NLGN1: variants seen among roughly 807,000 people sequenced by gnomAD.
NLGN1 encodes neuroligin 1.
NLGN1 carries 12 observed loss-of-function variants against 65.5 expected under a neutral mutation model. That is an observed-to-expected ratio of 0.18 (90% confidence interval 0.12 to 0.30). The LOEUF (loss-of-function observed/expected upper bound fraction) is 0.30. Among genes scored for constraint, NLGN1 ranks in the 10% least tolerant of loss-of-function variants. The pLI is 1.00. For missense variants in NLGN1, 750 were observed against 1,007.1 expected (o/e 0.74, Z 3.46); for synonymous variants, 350 against 359.5 (o/e 0.97, Z 0.30).
chr3:173,531,769 A>G (rs1417521343), intron 2 of NLGN1, among the ~76,000 whole-genome samples: 2 of 152,128 alleles, frequency 1.3e-5, no homozygotes, highest in Admixed American at 6.6e-5. Context: ...CTAAAGCTCT[A>G]CCTTACATTT....
chr3:174,259,708 G>C (rs1174700070), intron 4 of NLGN1, among the ~76,000 whole-genome samples: 2 of 150,028 alleles, frequency 1.3e-5, no homozygotes, highest in Admixed American at 6.7e-5. Context: ...TTATACTTTA[G>C]GTTTTAGGGT....
At chr3:174,066,209 A>G (rs894594363) in intron 4 of NLGN1, among the ~76,000 whole-genome samples, 6 of 152,102 alleles carry the variant, frequency 3.9e-5, no homozygotes, top group African/African-American at 9.7e-5. Context: ...TCACTAATAC[A>G]AATTTTCAGA....
intron 4 of NLGN1, among the ~76,000 whole-genome samples, chr3:174,246,679 A>G (rs1374977322): frequency 1.3e-5 from 2 of 152,208 alleles, no homozygotes; most frequent in Non-Finnish European, 2.9e-5. Flanking sequence ...TCAGCCTCCC[A>G]AAGCGTTGTG....
intron 4 of NLGN1, among the ~76,000 whole-genome samples, chr3:174,033,626 A>G (rs1730511643): frequency 6.6e-6 from 1 of 152,160 alleles, no homozygotes; most frequent in South Asian, 2.1e-4. Flanking sequence ...AAAAATAAAG[A>G]AGAAATACTA....
chr3:173,422,076 G>GAT (rs67338411), intron 1 of NLGN1, among the ~76,000 whole-genome samples: 5 of 151,562 alleles, frequency 3.3e-5, no homozygotes, highest in African/African-American at 7.3e-5. Flanking sequence ...CACTTATCAT[G>GAT]ATATATATAT....
intron 4 of NLGN1, among the ~76,000 whole-genome samples, chr3:174,003,769 C>T (rs1460925552): frequency 6.6e-6 from 1 of 152,014 alleles, no homozygotes; most frequent in African/African-American, 2.4e-5. Flanking sequence ...TAGATGCCTT[C>T]CCCTGGGTTA....
chr3:173,860,660 A>G (rs1728868961), intron 4 of NLGN1, among the ~76,000 whole-genome samples: 1 of 152,224 alleles, frequency 6.6e-6, no homozygotes. Flanking sequence ...TCATTAGGGA[A>G]TCCAGCAGGT....
intron 3 of NLGN1, among the ~76,000 whole-genome samples, chr3:173,773,457 T>C (rs938988964): frequency 3.9e-5 from 6 of 152,246 alleles, no homozygotes; most frequent in African/African-American, 1.4e-4. Flanking sequence ...GGTTTGTTCT[T>C]GGCTTTGAGA....
chr3:173,593,524 TAAGAG>T (rs1483031455), intron 2 of NLGN1, among the ~76,000 whole-genome samples: 2 of 152,196 alleles, frequency 1.3e-5, no homozygotes, highest in African/African-American at 2.4e-5. Flanking sequence ...TTTTGAGAGA[TAAGAG>T]AAGGGAGTAT....
intron 2 of NLGN1, among the ~76,000 whole-genome samples, chr3:173,547,088 T>C (rs1739992617): frequency 6.6e-6 from 1 of 152,180 alleles, no homozygotes; most frequent in African/African-American, 2.4e-5. Flanking sequence ...TTGGCATACT[T>C]GTTAATTAAA....
chr3:173,401,526 C>G (rs966258779), intron 1 of NLGN1, among the ~76,000 whole-genome samples: 17 of 151,396 alleles, frequency 1.1e-4, no homozygotes, highest in African/African-American at 4.1e-4. Context: ...CCAAACAAGG[C>G]TTCTCTGAGC....
intron 4 of NLGN1, among the ~76,000 whole-genome samples, chr3:174,006,047 G>A (rs553967627): frequency 2.9e-4 from 44 of 152,086 alleles, no homozygotes; most frequent in South Asian, 8.3e-4. Context: ...AAACCTAACA[G>A]GACTATTTGA....
At chr3:173,761,750 G>A (rs1777999747) in intron 3 of NLGN1, among the ~76,000 whole-genome samples, 1 of 151,994 alleles carries the variant, frequency 6.6e-6, no homozygotes, top group South Asian at 2.1e-4. Context: ...ACCATTATAT[G>A]CGTTGGATGC....
chr3:173,888,411 T>C (rs1026140237), intron 4 of NLGN1, among the ~76,000 whole-genome samples: 2 of 152,108 alleles, frequency 1.3e-5, no homozygotes, highest in Non-Finnish European at 2.9e-5. Flanking sequence ...AGAGTTGTTA[T>C]ACTGTAATTT....
chr3:173,705,021 G>A (rs1228740637), intron 3 of NLGN1, among the ~76,000 whole-genome samples: 1 of 152,030 alleles, frequency 6.6e-6, no homozygotes, highest in Non-Finnish European at 1.5e-5. Context: ...TAGGCTTTTT[G>A]CCATTCCAGT....
At chr3:173,880,360 C>T (rs1219052652) in intron 4 of NLGN1, among the ~76,000 whole-genome samples, 1 of 151,626 alleles carries the variant, frequency 6.6e-6, no homozygotes, top group African/African-American at 2.4e-5. Flanking sequence ...TGTACCATTG[C>T]CGTTTTCTTT....
intron 4 of NLGN1, among the ~76,000 whole-genome samples, chr3:174,015,924 G>A (rs1726472114): frequency 6.6e-6 from 1 of 152,220 alleles, no homozygotes; most frequent in South Asian, 2.1e-4. Flanking sequence ...ATAAAAGGTG[G>A]CTGAAAATGA....
At chr3:173,996,814 C>G (rs1488690508) in intron 4 of NLGN1, among the ~76,000 whole-genome samples, 2 of 152,108 alleles carry the variant, frequency 1.3e-5, no homozygotes, top group Admixed American at 6.6e-5. Context: ...GAATTACAAA[C>G]TTTGTGTTAT....
chr3:173,468,898 A>G (rs1039402034), intron 2 of NLGN1, among the ~76,000 whole-genome samples: 2 of 152,136 alleles, frequency 1.3e-5, no homozygotes, highest in African/African-American at 4.8e-5. Flanking sequence ...ATAATAGGAA[A>G]CTGTGTTCTG....
Sources: gnomAD v4.1 joint callset for allele counts (sites outside exome capture counted in the v4.1 genomes callset) on GRCh38, gnomAD v4.1.1 for gene constraint, MANE v1.5 for transcripts, NCBI Gene and HGNC (gene_info 2026-07-23, HGNC 2026-07-21) for gene names.